ATRNL1: variants seen among roughly 807,000 people sequenced by gnomAD.
The protein encoded by ATRNL1 is attractin-like protein 1.
A neutral mutation model predicts 182.7 loss-of-function variants in ATRNL1; 95 were observed. That is an observed-to-expected ratio of 0.52 (90% CI 0.44 to 0.62). ATRNL1 has a LOEUF of 0.62. ATRNL1 is among the 20% of genes least tolerant of loss of function. The pLI is 0.00. For synonymous variants in ATRNL1, 576 were observed against 568.3 expected (o/e 1.01, Z -0.19); for missense variants, 1,471 against 1,679.5 (o/e 0.88, Z 2.17).
chr10:115,769,003 A>G (rs1427091764), intron 27 of ATRNL1, among the ~76,000 whole-genome samples: 4 of 152,144 alleles, frequency 2.6e-5, no homozygotes, highest in African/African-American at 7.2e-5. Flanking sequence ...AGACATATGA[A>G]TGAGAAAGTA....
chr10:115,634,893 T>C (rs2133840362), intron 26 of ATRNL1, among the ~76,000 whole-genome samples: 1 of 152,140 alleles, frequency 6.6e-6, no homozygotes, highest in East Asian at 1.9e-4. Flanking sequence ...AGCTGTGTTA[T>C]AAAAATTGCA....
intron 19 of ATRNL1, among the ~76,000 whole-genome samples, chr10:115,377,632 C>T (rs1396587607): frequency 1.3e-5 from 2 of 152,158 alleles, no homozygotes; most frequent in Non-Finnish European, 2.9e-5. Context: ...TATAGCCTTG[C>T]ACCAGTATCT....
chr10:115,707,083 G>A (rs13377136), intron 26 of ATRNL1, among the ~76,000 whole-genome samples: 1,575 of 151,810 alleles, frequency 0.01, 29 homozygotes, highest in African/African-American at 0.036. Flanking sequence ...AACTCAGGCA[G>A]GTACTAATCC....
At chr10:115,117,706 G>A (rs1446632354) in intron 1 of ATRNL1, among the ~76,000 whole-genome samples, 1 of 151,862 alleles carries the variant, frequency 6.6e-6, no homozygotes, top group Non-Finnish European at 1.5e-5. Flanking sequence ...CTTTCTTTTG[G>A]GTATATACCC....
At chr10:115,353,323 CCTT>C (rs1466544788) in intron 19 of ATRNL1, among the ~76,000 whole-genome samples, 2 of 152,020 alleles carry the variant, frequency 1.3e-5, no homozygotes, top group Non-Finnish European at 2.9e-5. Context: ...TATATAATGA[CCTT>C]CTTTGACTCT....
chr10:115,914,778 C>T (rs1464332005), intron 28 of ATRNL1, among the ~76,000 whole-genome samples: 1 of 152,176 alleles, frequency 6.6e-6, no homozygotes, highest in Non-Finnish European at 1.5e-5. Context: ...TGAGTATGGG[C>T]TTTGCAGTCA....
At chr10:115,270,055 T>A (rs1851774893) in intron 13 of ATRNL1, among the ~76,000 whole-genome samples, 1 of 151,654 alleles carries the variant, frequency 6.6e-6, no homozygotes, top group African/African-American at 2.4e-5. Flanking sequence ...ATAACATGGT[T>A]ATGCTTTGAA....
intron 27 of ATRNL1, among the ~76,000 whole-genome samples, chr10:115,826,384 A>G (rs964330187): frequency 6.6e-6 from 1 of 151,958 alleles, no homozygotes; most frequent in Non-Finnish European, 1.5e-5. Context: ...CTTCTCTCCC[A>G]TTGTTCAGCA....
intron 20 of ATRNL1, among the ~76,000 whole-genome samples, chr10:115,404,963 G>A (rs1398708276): frequency 6.6e-6 from 1 of 151,858 alleles, no homozygotes; most frequent in Non-Finnish European, 1.5e-5. Flanking sequence ...TGGTCAGAAT[G>A]GTTCCCAATA....
chr10:115,925,683 G>T (rs186807025), intron 28 of ATRNL1, among the ~76,000 whole-genome samples: 2 of 152,074 alleles, frequency 1.3e-5, no homozygotes, highest in Non-Finnish European at 1.5e-5. Flanking sequence ...ATTACATAAC[G>T]GTAGAGGGAA....
chr10:115,254,257 G>A (rs1209216050), intron 10 of ATRNL1, among the ~76,000 whole-genome samples: 1 of 152,186 alleles, frequency 6.6e-6, no homozygotes, highest in African/African-American at 2.4e-5. Flanking sequence ...CACCAACAGT[G>A]TAAAAACATT....
intron 7 of ATRNL1, 107 bp downstream of exon 7, chr10:115,165,752 A>G (rs937011556): frequency 4.5e-5 from 22 of 490,436 alleles, no homozygotes; most frequent in African/African-American, 3.9e-4. Context: ...AATGAGAACA[A>G]TAGATTATAT....
intron 3 of ATRNL1, among the ~76,000 whole-genome samples, chr10:115,123,173 T>G (rs944813931): frequency 2.6e-5 from 4 of 152,346 alleles, no homozygotes; most frequent in Admixed American, 2.6e-4. Context: ...CATTAGCAAG[T>G]GTTCTTGTTA....
At chr10:115,429,917 C>A (rs1846075031) in intron 21 of ATRNL1, among the ~76,000 whole-genome samples, 2 of 151,794 alleles carry the variant, frequency 1.3e-5, no homozygotes, top group South Asian at 4.2e-4. Flanking sequence ...AATACAAAAA[C>A]AAAATTAGCC....
At chr10:115,125,131 G>A (rs2143663816) in intron 3 of ATRNL1, among the ~76,000 whole-genome samples, 1 of 152,250 alleles carries the variant, frequency 6.6e-6, no homozygotes, top group Admixed American at 6.5e-5. Context: ...GAACTGTGAA[G>A]GATACGTAGG....
At chr10:115,392,559 TC>T (rs1280088647) in intron 19 of ATRNL1, among the ~76,000 whole-genome samples, 2 of 152,170 alleles carry the variant, frequency 1.3e-5, no homozygotes, top group Non-Finnish European at 2.9e-5. Context: ...TTTCCTCCTT[TC>T]CTGGCTCAAT....
chr10:115,480,263 T>C (rs1170366953), intron 24 of ATRNL1, among the ~76,000 whole-genome samples: 1 of 150,434 alleles, frequency 6.6e-6, no homozygotes, highest in Non-Finnish European at 1.5e-5. Context: ...GTTAAGTAGA[T>C]ATTAAAGAGG....
chr10:115,603,297 C>T (rs1555016618), intron 26 of ATRNL1, among the ~76,000 whole-genome samples: 1 of 152,080 alleles, frequency 6.6e-6, no homozygotes, highest in African/African-American at 2.4e-5. Flanking sequence ...CCAAGAATTG[C>T]TTCATTAGAA....
At chr10:115,357,932 T>A (rs1284867461) in intron 19 of ATRNL1, among the ~76,000 whole-genome samples, 1 of 151,620 alleles carries the variant, frequency 6.6e-6, no homozygotes, top group African/African-American at 2.4e-5. Flanking sequence ...ATACTATCAC[T>A]CTTTTAGGCT....
Sources: allele counts gnomAD v4.1 joint callset (sites outside exome capture counted in the v4.1 genomes callset), GRCh38; gene constraint gnomAD v4.1.1; transcripts MANE v1.5; gene names NCBI Gene and HGNC (gene_info 2026-07-23, HGNC 2026-07-21).